The following KIAA1217 variants were observed in gnomAD, a reference collection of about 807,000 sequenced individuals.
KIAA1217 encodes sickle tail protein homolog.
A neutral mutation model predicts 163.9 loss-of-function variants in KIAA1217; 88 were observed. That is an observed-to-expected ratio of 0.54 (90% CI 0.45 to 0.64). KIAA1217 has a LOEUF of 0.64. Ranked by LOEUF, KIAA1217 falls within the 30% of genes least tolerant of loss-of-function variation. KIAA1217 has a pLI of 0.00. For missense variants in KIAA1217, 2,372 were observed against 2,475.0 expected, an observed-to-expected ratio of 0.96 and a Z score of 0.88; for synonymous variants, 903 against 923.1, an observed-to-expected ratio of 0.98 and a Z score of 0.39.
intron 5 of KIAA1217, among the ~76,000 whole-genome samples, chr10:24,470,737 G>T (rs1175739009): frequency 6.6e-6 from 1 of 152,116 alleles, no homozygotes; most frequent in Non-Finnish European, 1.5e-5. Context: ...TGGTGCCCAG[G>T]TCATGTATTC....
At chr10:23,894,026 C>G in intron 1 of KIAA1217, among the ~76,000 whole-genome samples, 1 of 151,416 alleles carries the variant, frequency 6.6e-6, no homozygotes, top group Non-Finnish European at 1.5e-5. Flanking sequence ...AACCCACAGC[C>G]AATATCATAC....
At chr10:24,457,548 A>G (rs983901958) in intron 5 of KIAA1217, among the ~76,000 whole-genome samples, 3 of 152,036 alleles carry the variant, frequency 2.0e-5, no homozygotes, top group Non-Finnish European at 4.4e-5. Context: ...GGCATGCACC[A>G]CCATGCCTGG....
At chr10:24,257,146 A>G (rs1014059965) in intron 2 of KIAA1217, among the ~76,000 whole-genome samples, 3 of 152,242 alleles carry the variant, frequency 2.0e-5, no homozygotes, top group African/African-American at 7.2e-5. Flanking sequence ...AATGACTTCT[A>G]CATGGAGACT....
intron 1 of KIAA1217, among the ~76,000 whole-genome samples, chr10:23,840,447 G>A (rs141515687): frequency 3.2e-3 from 488 of 152,206 alleles, no homozygotes; most frequent in African/African-American, 0.011. Flanking sequence ...GAGCCACTGT[G>A]CCTGGCCGAT....
intron 2 of KIAA1217, among the ~76,000 whole-genome samples, chr10:24,321,896 C>A (rs1318477194): frequency 6.6e-6 from 1 of 152,000 alleles, no homozygotes; most frequent in Admixed American, 6.6e-5. Context: ...ACCGGACGCT[C>A]AAAAATGGCT....
At chr10:24,516,976 G>A (rs947531317) in intron 10 of KIAA1217, among the ~76,000 whole-genome samples, 10 of 151,898 alleles carry the variant, frequency 6.6e-5, no homozygotes, top group Non-Finnish European at 1.3e-4. Flanking sequence ...CCTGGGCAAC[G>A]CAGGAACACA....
rs529842705 is a variant in KIAA1217, at chr10:24,526,957, T to C, written c.2899-979T>C. ...TTCCCATATGTTGATTCAATGATCTTTGCCAATTCTTAGGTTATAAGGTTC... is the reference window on the plus strand; with the variant it reads ...TTCCCATATGTTGATTCAATGATCTCTGCCAATTCTTAGGTTATAAGGTTC... On this transcript the variant is annotated intron_variant, in intron 13 of 20. Coordinates refer to ENST00000376454, the MANE Select transcript of KIAA1217 (RefSeq NM_019590.5). Among the ~76,000 whole-genome samples, 11 of 152,294 alleles carry C rather than the reference T, an allele frequency of 7.2e-5. 1 individual carries two copies. The South Asian group carries it at 2.3e-3, about 32-fold the overall frequency.
At chr10:23,972,932 GAAC>G (rs1376074101) in intron 1 of KIAA1217, among the ~76,000 whole-genome samples, 1 of 151,898 alleles carries the variant, frequency 6.6e-6, no homozygotes, top group Non-Finnish European at 1.5e-5. Flanking sequence ...ACAGGGAGTG[GAAC>G]AACACACACT....
At chr10:24,355,278 A>G (rs1277802245) in intron 2 of KIAA1217, among the ~76,000 whole-genome samples, 1 of 152,202 alleles carries the variant, frequency 6.6e-6, no homozygotes, top group Non-Finnish European at 1.5e-5. Flanking sequence ...CATTGTCTTC[A>G]GTGGTTTATT....
intron 20 of KIAA1217, 68 bp from the exon 21 acceptor site, chr10:24,545,759 C>T (rs2075675516): frequency 1.3e-6 from 2 of 1,527,208 alleles, no homozygotes; most frequent in Middle Eastern, 1.9e-4. Flanking sequence ...GGCTGTGTTG[C>T]CAGGCCCTGT....
At chr10:23,783,583 A>T (rs566908500) in intron 1 of KIAA1217, among the ~76,000 whole-genome samples, 1 of 152,274 alleles carries the variant, frequency 6.6e-6, no homozygotes, top group South Asian at 2.1e-4. Flanking sequence ...CTCATAAAAT[A>T]AGTGTGGAAG....
chr10:24,246,900 G>T (rs2073865172), intron 2 of KIAA1217, among the ~76,000 whole-genome samples: 1 of 151,894 alleles, frequency 6.6e-6, no homozygotes, highest in Admixed American at 6.6e-5. Flanking sequence ...TGCAATTCCA[G>T]CTACTTAGGA....
intron 5 of KIAA1217, among the ~76,000 whole-genome samples, chr10:24,467,171 A>G: frequency 6.6e-6 from 1 of 152,362 alleles, no homozygotes; most frequent in African/African-American, 2.4e-5. Flanking sequence ...GCTACATGTA[A>G]GAATTTCTAA....
intron 1 of KIAA1217, among the ~76,000 whole-genome samples, chr10:24,216,699 C>T (rs564634521): frequency 6.6e-6 from 1 of 151,134 alleles, no homozygotes; most frequent in African/African-American, 2.4e-5. Flanking sequence ...TGGTTGCGCA[C>T]GGCTGTAATC....
At chr10:24,409,038 G>A (rs545755633) in intron 3 of KIAA1217, among the ~76,000 whole-genome samples, 3 of 152,168 alleles carry the variant, frequency 2.0e-5, no homozygotes, top group Admixed American at 1.3e-4. Context: ...ATGAACTGGC[G>A]TGGATGATAC....
At chr10:24,539,539 A>G (rs545513581) in intron 17 of KIAA1217, among the ~76,000 whole-genome samples, 3 of 152,282 alleles carry the variant, frequency 2.0e-5, no homozygotes, top group Non-Finnish European at 4.4e-5. Context: ...CTAATTGGCT[A>G]GAAAGTGGCA....
intron 2 of KIAA1217, among the ~76,000 whole-genome samples, chr10:24,068,781 G>A (rs2061069533): frequency 6.6e-6 from 1 of 152,174 alleles, no homozygotes; most frequent in Non-Finnish European, 1.5e-5. Flanking sequence ...ACCCAGAGAG[G>A]TCAGAAGTTG....
chr10:24,529,223 T>C (rs10828665), intron 14 of KIAA1217, among the ~76,000 whole-genome samples: 37,110 of 152,082 alleles, frequency 0.24, 4,550 homozygotes, highest in African/African-American at 0.27. Flanking sequence ...GGACTCCCAT[T>C]GGATACCAAA....
At chr10:24,484,490 G>A (rs566876723) in intron 6 of KIAA1217, among the ~76,000 whole-genome samples, 9 of 151,556 alleles carry the variant, frequency 5.9e-5, no homozygotes, top group Non-Finnish European at 8.8e-5. Context: ...CAAGGGATCC[G>A]CCCACCTCGG....
Sources: allele counts gnomAD v4.1 joint callset (sites outside exome capture counted in the v4.1 genomes callset), GRCh38; gene constraint gnomAD v4.1.1; transcripts MANE v1.5; gene names NCBI Gene and HGNC (gene_info 2026-07-23, HGNC 2026-07-21).